The following PLCG2 variants were observed in gnomAD, a reference collection of about 807,000 sequenced individuals.
PLCG2 encodes the protein 1-phosphatidylinositol 4,5-bisphosphate phosphodiesterase gamma-2.
In PLCG2, 69 loss-of-function variants were observed where a neutral mutation model predicts 175.6. That is an observed-to-expected ratio of 0.39 (90% confidence interval 0.32 to 0.48). The LOEUF is 0.48. Among genes scored for constraint, PLCG2 ranks in the 20% least tolerant of loss-of-function variants. The pLI, the probability that PLCG2 is intolerant of heterozygous loss-of-function variation, is 0.91. For synonymous variants in PLCG2, 827 were observed against 624.0 expected (o/e 1.33, Z -4.85); for missense variants, 1,798 against 1,650.9 (o/e 1.09, Z -1.54).
At chr16:81,882,706 A>T (rs8043949) in intron 8 of PLCG2, among the ~76,000 whole-genome samples, 7 of 150,956 alleles carry the variant, frequency 4.6e-5, no homozygotes, top group African/African-American at 1.5e-4. Flanking sequence ...TTTCCTTGCC[A>T]GGTACTCTCT....
intron 24 of PLCG2, among the ~76,000 whole-genome samples, chr16:81,929,529 G>A (rs966975513): frequency 3.3e-5 from 5 of 152,282 alleles, no homozygotes; most frequent in South Asian, 2.1e-4. Flanking sequence ...CTGAGTAGCC[G>A]GGACTACAGG....
At chr16:81,783,528 T>C (rs1910837666) in intron 1 of PLCG2, among the ~76,000 whole-genome samples, 1 of 152,226 alleles carries the variant, frequency 6.6e-6, no homozygotes, top group African/African-American at 2.4e-5. Context: ...GATTCTGGAC[T>C]AGGGGCTTGG....
chr16:81,858,241 C>T (rs748187748), intron 3 of PLCG2, 22 bp from the exon 4 acceptor site: 19 of 1,539,332 alleles, frequency 1.2e-5, no homozygotes, highest in Admixed American at 1.7e-5. Flanking sequence ...CACAGCATTT[C>T]TGTTCCCTTT....
intron 7 of PLCG2, among the ~76,000 whole-genome samples, chr16:81,874,322 C>A (rs1016407667): frequency 6.6e-6 from 1 of 152,164 alleles, no homozygotes. Context: ...GCTTACCTGA[C>A]CCCAAAGAAG....
intron 20 of PLCG2, among the ~76,000 whole-genome samples, 197 bp from the exon 21 acceptor site, chr16:81,921,001 G>A (rs147687666): frequency 6.6e-6 from 1 of 152,082 alleles, no homozygotes; most frequent in African/African-American, 2.4e-5. Flanking sequence ...CTCTGATTTT[G>A]GGTTAGTTTC....
chr16:81,841,354 T>G (rs1215236533), intron 2 of PLCG2, among the ~76,000 whole-genome samples: 1 of 152,042 alleles, frequency 6.6e-6, no homozygotes, highest in Non-Finnish European at 1.5e-5. Context: ...CTTCTCAGCC[T>G]CCTGAGTAGC....
At chr16:81,747,992 G>A (rs1049324208) in intron 1 of PLCG2, among the ~76,000 whole-genome samples, 2 of 151,904 alleles carry the variant, frequency 1.3e-5, no homozygotes, top group African/African-American at 2.4e-5. Context: ...CTCCTGCCTC[G>A]GCCTCCCAAG....
intron 2 of PLCG2, among the ~76,000 whole-genome samples, chr16:81,757,211 C>T (rs1476104325): frequency 2.0e-5 from 3 of 152,116 alleles, no homozygotes; most frequent in Middle Eastern, 3.2e-3. Flanking sequence ...ATTCAATCAT[C>T]TCTTTATCCA....
chr16:81,933,175 T>A (rs1392029303), intron 25 of PLCG2, among the ~76,000 whole-genome samples: 3 of 152,314 alleles, frequency 2.0e-5, no homozygotes, highest in Non-Finnish European at 4.4e-5. Flanking sequence ...CTAACTGGTT[T>A]TTATATTTAC....
At chr16:81,948,590 G>T (rs578246976) in intron 31 of PLCG2, among the ~76,000 whole-genome samples, 3 of 152,324 alleles carry the variant, frequency 2.0e-5, no homozygotes, top group South Asian at 4.1e-4. Flanking sequence ...GTAGAAGATT[G>T]CACACTTTAG....
chr16:81,908,424 C>A lies in PLCG2; in HGVS notation c.1566C>A (p.Pro522=). 6.2e-7 allele frequency: 1 copy of A among 1,613,756 alleles called. No individual in the cohort carries two copies. The highest frequency in any genetic ancestry group is 8.5e-7 in the Non-Finnish European group (1 of 1,179,828). The change falls in exon 17 of 33, where the codon CCC becomes CCA. Residue 522 remains proline, a synonymous_variant. Coordinates refer to ENST00000564138, the MANE Select transcript of PLCG2 (RefSeq NM_002661.5). ...TMEEEVPQDI[P]PTELHFGEKW... ...CTCTCTTTGCGGCCCAGGATATACC[C>A]CCTACAGAACTACATTTTGGGGAGA...
chr16:81,877,239 G>T (rs1315932870), intron 7 of PLCG2, among the ~76,000 whole-genome samples: 1 of 152,212 alleles, frequency 6.6e-6, no homozygotes, highest in Non-Finnish European at 1.5e-5. Context: ...CGGATCGCGA[G>T]GTCAGGAGAT....
intron 2 of PLCG2, among the ~76,000 whole-genome samples, chr16:81,842,355 T>G (rs531604041): frequency 6.6e-6 from 1 of 152,294 alleles, no homozygotes; most frequent in East Asian, 1.9e-4. Flanking sequence ...TCACATATCA[T>G]ATGCCGGCCT....
At chr16:81,813,063 T>C (rs1213001670) in intron 2 of PLCG2, among the ~76,000 whole-genome samples, 2 of 152,222 alleles carry the variant, frequency 1.3e-5, no homozygotes, top group Non-Finnish European at 2.9e-5. Context: ...TACCATGCTG[T>C]TTTGTTGACC....
chr16:81,766,597 TA>T (rs2143099510), intron 2 of PLCG2: 1 of 152,710 alleles, frequency 6.5e-6, no homozygotes, highest in South Asian at 2.1e-4. Flanking sequence ...TCTGCTCTGC[TA>T]AAGTGCTCAC....
intron 8 of PLCG2, 52 bp downstream of exon 8, chr16:81,881,005 C>G: frequency 6.3e-7 from 1 of 1,578,488 alleles, no homozygotes; most frequent in Non-Finnish European, 8.7e-7. Context: ...ACCTCGGTGC[C>G]TGGTGCCCAG....
chr16:81,760,731 T>C (rs944626831), intron 2 of PLCG2, among the ~76,000 whole-genome samples: 1 of 138,080 alleles, frequency 7.2e-6, no homozygotes. Flanking sequence ...GGCAACATAG[T>C]GAGACCCCGT....
intron 2 of PLCG2, among the ~76,000 whole-genome samples, chr16:81,798,047 C>T (rs12447699): frequency 0.21 from 31,871 of 151,890 alleles, 4,147 homozygotes; most frequent in East Asian, 0.68. Context: ...ACCAGGCTGG[C>T]CTTGAACTTC....
chr16:81,949,310 A>G (rs1003461368), intron 31 of PLCG2, among the ~76,000 whole-genome samples: 1 of 152,234 alleles, frequency 6.6e-6, no homozygotes, highest in African/African-American at 2.4e-5. Flanking sequence ...AATAGAAAAC[A>G]CATCCATACC....
Sources: allele counts gnomAD v4.1 joint callset (sites outside exome capture counted in the v4.1 genomes callset), GRCh38; gene constraint gnomAD v4.1.1; transcripts MANE v1.5; gene names NCBI Gene and HGNC (gene_info 2026-07-23, HGNC 2026-07-21).